ZFHX3: variants seen among roughly 807,000 people sequenced by gnomAD.
The protein encoded by ZFHX3 is zinc finger homeobox protein 3.
ZFHX3 carries 42 observed loss-of-function variants against 279.1 expected under a neutral mutation model. The observed-to-expected ratio is 0.15, with a 90% CI of 0.12 to 0.19. The LOEUF (loss-of-function observed/expected upper bound fraction) is 0.19, where lower values mean the gene tolerates loss of function less well. ZFHX3 is among the 10% of genes least tolerant of loss of function. ZFHX3 has a pLI of 1.00. For synonymous variants in ZFHX3, 2,293 were observed against 1,957.8 expected, an observed-to-expected ratio of 1.17 and a Z score of -4.52; for missense variants, 4,981 against 4,754.0, an observed-to-expected ratio of 1.05 and a Z score of -1.40.
chr16:73,506,866 G>C (rs536627592), intron 2 of ZFHX3, among the ~76,000 whole-genome samples: 1 of 152,284 alleles, frequency 6.6e-6, no homozygotes, highest in Non-Finnish European at 1.5e-5. Context: ...GCTTGAGAGA[G>C]CCCTCTTCCT....
chr16:73,351,806 G>A (rs1227990392), intron 3 of ZFHX3, among the ~76,000 whole-genome samples: 4 of 152,184 alleles, frequency 2.6e-5, no homozygotes, highest in Non-Finnish European at 5.9e-5. Flanking sequence ...CCATGGGGGT[G>A]ACCTCCCAGA....
chr16:73,570,949 C>CA (rs71156173), intron 2 of ZFHX3, among the ~76,000 whole-genome samples: 15,889 of 141,990 alleles, frequency 0.11, 960 homozygotes, highest in Middle Eastern at 0.13. Flanking sequence ...CTTTTCTTCT[C>CA]AAAAAAAAAA....
chr16:72,817,422 A>T (rs1309814434), intron 5 of ZFHX3, among the ~76,000 whole-genome samples: 1 of 152,226 alleles, frequency 6.6e-6, no homozygotes, highest in African/African-American at 2.4e-5. Context: ...TTCATCAAAG[A>T]TAAGCCTGAA....
intron 4 of ZFHX3, among the ~76,000 whole-genome samples, chr16:73,290,331 G>T (rs1260630445): frequency 6.6e-6 from 1 of 152,136 alleles, no homozygotes; most frequent in Non-Finnish European, 1.5e-5. Context: ...TGGGAGGTCA[G>T]GAAAGCCCCC....
intron 4 of ZFHX3, among the ~76,000 whole-genome samples, chr16:73,304,375 A>T (rs937802893): frequency 6.6e-6 from 1 of 152,130 alleles, no homozygotes; most frequent in Admixed American, 6.5e-5. Flanking sequence ...TGCTGTTTCT[A>T]TCTGGGTGGA....
At chr16:73,078,202 T>A (rs1965907371) in intron 8 of ZFHX3, among the ~76,000 whole-genome samples, 1 of 152,182 alleles carries the variant, frequency 6.6e-6, no homozygotes, top group Non-Finnish European at 1.5e-5. Flanking sequence ...TTATTTGTCT[T>A]AAGACAAATT....
At chr16:73,327,204 C>G (rs1048300499) in intron 3 of ZFHX3, among the ~76,000 whole-genome samples, 1 of 152,200 alleles carries the variant, frequency 6.6e-6, no homozygotes, top group Non-Finnish European at 1.5e-5. Flanking sequence ...TGTGTATGCT[C>G]TACATTCCTC....
intron 7 of ZFHX3, among the ~76,000 whole-genome samples, chr16:73,097,047 C>A (rs78602265): frequency 0.14 from 20,955 of 151,366 alleles, 1,639 homozygotes; most frequent in Admixed American, 0.17. Context: ...TCTCTCTCCC[C>A]CTCCTTCCCT....
chr16:73,337,600 C>T (rs115790227), intron 3 of ZFHX3, among the ~76,000 whole-genome samples: 164 of 152,120 alleles, frequency 1.1e-3, no homozygotes, highest in African/African-American at 3.7e-3. Flanking sequence ...CCTGACTCAC[C>T]GTCTTTGTCT....
At chr16:73,604,766 A>G (rs1353678317) in intron 2 of ZFHX3, among the ~76,000 whole-genome samples, 1 of 150,598 alleles carries the variant, frequency 6.6e-6, no homozygotes, top group African/African-American at 2.4e-5. Flanking sequence ...AAAATCTCCC[A>G]TGATCAGGAG....
At chr16:72,901,901 T>C (rs1206565495) in intron 3 of ZFHX3, among the ~76,000 whole-genome samples, 3 of 152,206 alleles carry the variant, frequency 2.0e-5, no homozygotes, top group Non-Finnish European at 2.9e-5. Context: ...CACTGGGTTC[T>C]GCCCTCCTTC....
At chr16:73,577,483 T>C (rs1462048744) in intron 2 of ZFHX3, among the ~76,000 whole-genome samples, 1 of 152,186 alleles carries the variant, frequency 6.6e-6, no homozygotes, top group Non-Finnish European at 1.5e-5. Flanking sequence ...TAAAAGCTCA[T>C]AAATTGTATA....
At chr16:72,935,664 G>T (rs569325101) in intron 3 of ZFHX3, among the ~76,000 whole-genome samples, 5 of 151,786 alleles carry the variant, frequency 3.3e-5, no homozygotes, top group Admixed American at 2.6e-4. Context: ...AACTCGGGAG[G>T]GGGGGGTTGC....
At chr16:73,544,597 G>A (rs531688122) in intron 2 of ZFHX3, among the ~76,000 whole-genome samples, 1 of 152,284 alleles carries the variant, frequency 6.6e-6, no homozygotes, top group East Asian at 1.9e-4. Context: ...TTGGGGAACG[G>A]GGACCTATCA....
intron 1 of ZFHX3, among the ~76,000 whole-genome samples, chr16:73,850,130 C>T (rs776672931): frequency 1.3e-5 from 2 of 152,200 alleles, no homozygotes; most frequent in East Asian, 1.9e-4. Flanking sequence ...CCATGGCTTC[C>T]TTTGATGAGG....
intron 4 of ZFHX3, among the ~76,000 whole-genome samples, chr16:72,859,619 T>C (rs895055397): frequency 2.0e-5 from 3 of 152,176 alleles, no homozygotes; most frequent in African/African-American, 7.2e-5. Context: ...TCATATAAAT[T>C]AGAACAGAAG....
intron 2 of ZFHX3, among the ~76,000 whole-genome samples, chr16:73,543,667 G>T (rs556249231): frequency 9.9e-5 from 15 of 152,284 alleles, no homozygotes; most frequent in East Asian, 5.8e-4. Context: ...TCACCTCAGG[G>T]TCCGATATTT....
At chr16:73,833,618 A>G (rs1874368837) in intron 1 of ZFHX3, among the ~76,000 whole-genome samples, 2 of 151,910 alleles carry the variant, frequency 1.3e-5, no homozygotes, top group Admixed American at 6.5e-5. Context: ...TTGGGGGGCA[A>G]GGGGAGGGAT....
chr16:73,714,534 C>G (rs188143911), intron 1 of ZFHX3, among the ~76,000 whole-genome samples: 3 of 152,146 alleles, frequency 2.0e-5, no homozygotes, highest in Non-Finnish European at 4.4e-5. Context: ...GCCCAGTGTC[C>G]TCCGAATCAC....
Sources: allele counts gnomAD v4.1 joint callset (sites outside exome capture counted in the v4.1 genomes callset), GRCh38; gene constraint gnomAD v4.1.1; transcripts MANE v1.5; gene names NCBI Gene and HGNC (gene_info 2026-07-23, HGNC 2026-07-21).